Variants in TTN observed in about 807,000 individuals in gnomAD.
TTN encodes the protein connectin.
In TTN, 1,525 loss-of-function variants were observed where a neutral mutation model predicts 3,223.0. That is an observed-to-expected ratio of 0.47 (90% CI 0.45 to 0.49). The LOEUF is 0.49. TTN is among the 20% of genes least tolerant of loss of function. TTN has a pLI of 0.00. For synonymous variants in TTN, 14,094 were observed against 15,161.0 expected (o/e 0.93, Z 5.17); for missense variants, 40,786 against 43,424.0 (o/e 0.94, Z 5.40).
chr2:178,601,901 T>C lies in TTN; in HGVS notation c.55283A>G (p.Asp18428Gly), dbSNP rs1430526014. 6.2e-7 allele frequency: 1 copy of C among 1,612,422 alleles called. No homozygotes were observed. The highest frequency in any genetic ancestry group is 1.1e-5 in the South Asian group (1 of 90,966). ...AKKAMKDGVH[D>G]IPEDAQLETA... ...TTTTACCTGTGCATCTTCGGGTATG[T>C]CATGAACTCCATCCTATTAGAAAAG... The change falls in exon 285 of 363, where the codon GAC becomes GGC. Residue 18428 changes from aspartate to glycine, a missense_variant. Physicochemically the swap from Asp to Gly is moderately conservative, Grantham distance 94. Transcript: ENST00000589042.
intron 288 of TTN, 150 bp from the exon 289 acceptor site, chr2:178,600,000 A>G (rs1015759972): frequency 2.1e-5 from 15 of 709,818 alleles, no homozygotes; most frequent in Non-Finnish European, 3.2e-5. Flanking sequence ...CTTTAACACT[A>G]TTACGCTAGT....
intron 125 of TTN, 126 bp from the exon 126 acceptor site, chr2:178,688,904 T>C (rs908745368): frequency 3.6e-6 from 4 of 1,116,606 alleles, no homozygotes; most frequent in South Asian, 1.4e-5. Flanking sequence ...AAGTTACATA[T>C]CACAAGGACA....
intron 326 of TTN, 149 bp downstream of exon 326, chr2:178,559,162 C>T: frequency 1.5e-6 from 1 of 650,618 alleles, no homozygotes; most frequent in Non-Finnish European, 2.5e-6. Context: ...ACTAGAGATT[C>T]CATTTTGTGC....
rs772833696 is a variant in TTN at position 178,547,469 on chromosome 2, T to G, written c.94157A>C (p.Glu31386Ala). 9 of 1,612,350 alleles carry G rather than the reference T, an allele frequency of 5.6e-6. No homozygotes were observed. The highest frequency in any genetic ancestry group is 7.6e-6 in the Non-Finnish European group (9 of 1,179,002). ...AGGTTTGCTGACACCAAATCTGTTC[T>G]CTGAACTGACACGGAAAGAATATTC... is the stretch of plus-strand genomic sequence containing the variant. ...YMEYSFRVSSENRFGVSKPLE... is the reference protein window; with the variant it reads ...YMEYSFRVSSANRFGVSKPLE... Residue 31386 changes from glutamate (E) to alanine (A), a missense_variant, in exon 339 of 363, where the codon GAG (glutamate) becomes GCG (alanine). Physicochemically the swap from Glu to Ala is moderately radical, Grantham distance 107. Transcript: ENST00000589042.
chr2:178,722,020 C>T lies in TTN; in HGVS notation c.22643G>A (p.Trp7548Ter). 6.2e-7 allele frequency: 1 copy of T among 1,613,316 alleles called. No individual in the cohort carries two copies. Among genetic ancestry groups the T allele is most frequent in the Non-Finnish European group, 8.5e-7 (1 of 1,179,472 alleles). ...VTGAQPMRITWSKDNKEIRPG... is the reference protein window; with the variant it reads ...VTGAQPMRIT ...ACGGATCTCCTTGTTATCTTTTGAC[C>T]AAGTGATTCGCATCGGTTGAGCACC... Residue 7548 changes from tryptophan to a stop codon, truncating the protein, a stop_gained, in exon 78 of 363, where the codon TGG (tryptophan) becomes TAG (stop). Coordinates refer to ENST00000589042, the MANE Select transcript of TTN (RefSeq NM_001267550.2). LOFTEE classifies it high-confidence loss of function.
At chr2:178,773,072 A>G in intron 33 of TTN, 37 bp downstream of exon 33, 2 of 1,611,494 alleles carry the variant, frequency 1.2e-6, no homozygotes, top group Non-Finnish European at 1.7e-6. Flanking sequence ...AATAACAATC[A>G]CTCCTCGTAA....
chr2:178,631,817 A>C (rs908390346), intron 236 of TTN, among the ~76,000 whole-genome samples: 1 of 152,092 alleles, frequency 6.6e-6, no homozygotes, highest in Admixed American at 6.6e-5. Context: ...AACTTGAAAA[A>C]CATTCCTCTG....
chr2:178,610,909 A>G, intron 270 of TTN, 84 bp downstream of exon 270: 1 of 1,538,780 alleles, frequency 6.5e-7, no homozygotes, highest in Non-Finnish European at 8.8e-7. Flanking sequence ...TCATGAAGCC[A>G]ATTATATTAT....
rs1207028301 is a variant in TTN at position 178,730,296 on chromosome 2, A to G, written c.18104T>C (p.Val6035Ala). 1 of 1,612,122 alleles carries G rather than the reference A, an allele frequency of 6.2e-7. No individual in the cohort carries two copies. The highest frequency in any genetic ancestry group is 1.3e-5 in the African/African-American group (1 of 75,034). Reference protein sequence around the residue: ...PNTRVQLKALVGGTAPMTIKW... With the variant: ...PNTRVQLKALAGGTAPMTIKW... ...TATTGTCATGGGTGCAGTGCCACCC[A>G]CAAGAGCCTTTAACTGTACCCTTGT... The change falls in exon 62 of 363, where the codon GTG (valine) becomes GCG (alanine). Residue 6035 changes from valine (V) to alanine (A), a missense_variant. Coordinates refer to ENST00000589042, the MANE Select transcript of TTN (RefSeq NM_001267550.2).
intron 45 of TTN, among the ~76,000 whole-genome samples, chr2:178,757,229 A>ACTGTACTTGCTTTAAG (rs1398848581): frequency 6.7e-6 from 1 of 149,626 alleles, no homozygotes. Flanking sequence ...AGTAAGTAAT[A>ACTGTACTTGCTTTAAG]ATCAGCAAAT....
Position 178,712,931 on chromosome 2 carries a change from T to G in TTN, c.27094A>C (p.Thr9032Pro). 3.1e-6 allele frequency: 5 copies of G among 1,613,120 alleles called. No homozygotes were observed. The highest frequency in any genetic ancestry group is 4.2e-6 in the Non-Finnish European group (5 of 1,179,456). Residue 9032 changes from threonine (T) to proline (P), a missense_variant, in exon 94 of 363, where the codon ACT becomes CCT. Physicochemically the swap from Thr to Pro is conservative, Grantham distance 38 (BLOSUM62 -1). Transcript: ENST00000589042. ...CTTGTGAAAGTTACATTGGTCCCAG[T>G]TAAAACATCCATGGGATCAGGTTTC... is the stretch of plus-strand genomic sequence containing the variant. The part of the protein sequence containing the change: ...VQKPDPMDVL[T>P]GTNVTFTSIV...
At chr2:178,623,986 T>C (rs764579759) in intron 242 of TTN, among the ~76,000 whole-genome samples, 11 of 151,978 alleles carry the variant, frequency 7.2e-5, no homozygotes, top group Non-Finnish European at 1.3e-4. Flanking sequence ...CTTTGTCATA[T>C]TACAGCAGAT....
At chr2:178,792,521 C>G (rs2093561832) in intron 9 of TTN, among the ~76,000 whole-genome samples, 1 of 152,184 alleles carries the variant, frequency 6.6e-6, no homozygotes, top group Admixed American at 6.5e-5. Context: ...ATTCTGTCAT[C>G]TAAAGGTAAT....
In TTN at chr2:178,782,819, A is replaced by G. The variant is rs55863869; in HGVS notation, c.3087T>C (p.Tyr1029=). The G allele has an allele frequency of 0.056, 89,791 of 1,613,014 alleles. 4,069 individuals carry two copies. Among genetic ancestry groups the G allele is most frequent in the Admixed American group, 0.21 (12,372 of 59,994 alleles). ...GTGGCCACTAACCCTGCACAGCCAG[A>G]TAGCAGGATGTGCTGACGGTTCCAG... The part of the protein sequence containing the change: ...NEAGTVSTSC[Y]LAVQVSEEFE... Residue 1029 remains tyrosine, a synonymous_variant, in exon 18 of 363, where the codon TAT becomes TAC. Transcript: ENST00000589042.
At position 178,637,410 on chromosome 2, in the gene TTN, G is replaced by A. The variant is rs1196421390; in HGVS notation, c.40886C>T (p.Ala13629Val). 2.7e-6 allele frequency: 4 copies of A among 1,474,292 alleles called. No individual in the cohort carries two copies. The South Asian group carries it at 4.6e-5, about 17-fold the overall frequency. The allele number at this position is 1,474,292 out of a possible 1,614,324, so 91.3% of individuals were successfully genotyped here. Residue 13629 changes from alanine to valine, a missense_variant, in exon 224 of 363, where the codon GCA becomes GTA. Ala to Val is a moderately conservative substitution (Grantham distance 64, BLOSUM62 0). Coordinates refer to ENST00000589042, the MANE Select transcript of TTN (RefSeq NM_001267550.2). ...TGGCTTGGCAGCCTCTTCCTTAGGT[G>A]CTTTGGCTTCTGAAATAAAAATAAA... ...PVVGKKAEAKAPKEEAAKPKG... is the reference protein window; with the variant it reads ...PVVGKKAEAKVPKEEAAKPKG...
rs752184554 is a variant in TTN, at chr2:178,534,097, C to T, written c.102518G>A (p.Gly34173Asp). The change falls in exon 358 of 363, where the codon GGC (glycine) becomes GAC (aspartate). Residue 34173 changes from glycine (G) to aspartate (D), a missense_variant. Physicochemically the swap from Gly to Asp is moderately conservative, Grantham distance 94. Coordinates refer to ENST00000589042, the MANE Select transcript of TTN (RefSeq NM_001267550.2). ...DQSTQVTWYFGVRQLENSEKY... is the reference protein window; with the variant it reads ...DQSTQVTWYFDVRQLENSEKY... Reference sequence around the variant, plus strand: ...CTCACTGTTCTCCAGCTGTCGGACGCCAAAGTACCAAGTCACTTGGGTAGA... The same window carrying T: ...CTCACTGTTCTCCAGCTGTCGGACGTCAAAGTACCAAGTCACTTGGGTAGA... The T allele has an allele frequency of 3.0e-5, 48 of 1,613,798 alleles. No individual in the cohort carries two copies. Among genetic ancestry groups the T allele is most frequent in the Non-Finnish European group, 4.1e-5 (48 of 1,179,848 alleles).
At chr2:178,635,017 A>T in intron 228 of TTN, 148 bp downstream of exon 228, 1 of 1,359,636 alleles carries the variant, frequency 7.4e-7, no homozygotes, top group Non-Finnish European at 9.9e-7. Context: ...TCCCCAAATG[A>T]TACGTAAAAT....
rs766900644 is a variant in TTN at position 178,563,608 on chromosome 2, T to A, written c.82524A>T (p.Lys27508Asn). The change falls in exon 326 of 363, where the codon AAA becomes AAT. Residue 27508 changes from lysine (K) to asparagine (N), a missense_variant. Lys to Asn is a moderately conservative substitution (Grantham distance 94). Transcript: ENST00000589042. The surrounding 1 kb of genome is among the most constrained non-coding windows in gnomAD (Gnocchi z 4.5). ...TCCATCTAACGCCTTCCTTATCTCG[T>A]TTTTCAAGAATGTAGCCCTCAATTT... ...GTEIEGYILEKRDKEGVRWTK... is the reference protein window; with the variant it reads ...GTEIEGYILENRDKEGVRWTK... The A allele has an allele frequency of 2.5e-6, 4 of 1,613,622 alleles. No homozygotes were observed. The highest frequency in any genetic ancestry group is 1.7e-5 in the Admixed American group (1 of 59,972).
chr2:178,722,732 G>C lies in TTN; in HGVS notation c.22167C>G (p.Asp7389Glu). The C allele has an allele frequency of 6.2e-7, 1 of 1,613,132 alleles. No individual in the cohort carries two copies. Among genetic ancestry groups the C allele is most frequent in the Non-Finnish European group, 8.5e-7 (1 of 1,179,458 alleles). ...TLVFNKVNIN[D>E]SGEYTCKAEN... ...CTGCTTTGCATGTGTACTCTCCACT[G>C]TCATTGATGTTCACTTTATTAAAAA... is the stretch of plus-strand genomic sequence containing the variant. Residue 7389 changes from aspartate to glutamate, a missense_variant, in exon 76 of 363, where the codon GAC becomes GAG. Asp to Glu is a conservative substitution (Grantham distance 45). Coordinates refer to ENST00000589042, the MANE Select transcript of TTN (RefSeq NM_001267550.2).
Sources: gnomAD v4.1 joint callset for allele counts (sites outside exome capture counted in the v4.1 genomes callset) on GRCh38, gnomAD v4.1.1 for gene constraint, Gnocchi (gnomAD v3.1) non-coding constraint, MANE v1.5 for transcripts, NCBI Gene and HGNC (gene_info 2026-07-23, HGNC 2026-07-21) for gene names.